Variants in POC1B observed in about 807,000 individuals in gnomAD.
The protein encoded by POC1B is POC1 centriolar protein B.
In POC1B, 44 loss-of-function variants were observed where a neutral mutation model predicts 60.6. The ratio of observed to expected loss-of-function variants is 0.73; its 90% confidence interval spans 0.57 to 0.93. The LOEUF is 0.93. Ranked by LOEUF, POC1B falls within the 40% of genes least tolerant of loss-of-function variation. The pLI is 0.00. For synonymous variants in POC1B, 180 were observed against 198.9 expected (o/e 0.90, Z 0.80); for missense variants, 555 against 572.3 (o/e 0.97, Z 0.31).
intron 2 of POC1B, among the ~76,000 whole-genome samples, chr12:89,516,180 C>T (rs139928742): frequency 2.7e-3 from 404 of 152,270 alleles, no homozygotes; most frequent in African/African-American, 9.2e-3. Context: ...CACTCCTAAC[C>T]CTTGGCTTTC....
chr12:89,501,885 T>C, intron 2 of POC1B: 4 of 1,190,306 alleles, frequency 3.4e-6, no homozygotes, highest in Non-Finnish European at 3.8e-6. Flanking sequence ...TACAGAAGTT[T>C]TTAAATGCTA....
chr12:89,405,574 T>C, the POC1B span, among the ~76,000 whole-genome samples: 1 of 152,122 alleles, frequency 6.6e-6, no homozygotes, highest in Non-Finnish European at 1.5e-5. Flanking sequence ...AAAAAGTAAA[T>C]ATTCTTTTGT....
chr12:89,441,017 C>G (rs1881489319), intron 10 of POC1B, among the ~76,000 whole-genome samples: 1 of 152,230 alleles, frequency 6.6e-6, no homozygotes, highest in African/African-American at 2.4e-5. Flanking sequence ...TTGCTCTCTG[C>G]TAGCACAGCA....
At chr12:89,413,253 T>G in the POC1B span, among the ~76,000 whole-genome samples, 2 of 152,176 alleles carry the variant, frequency 1.3e-5, no homozygotes, top group African/African-American at 4.8e-5. Context: ...TCACCCAGGC[T>G]GGAGTGCACT....
chr12:89,506,526 G>A (rs1346439699), intron 2 of POC1B, among the ~76,000 whole-genome samples: 1 of 152,154 alleles, frequency 6.6e-6, no homozygotes, highest in African/African-American at 2.4e-5. Flanking sequence ...AGCCACAAAC[G>A]AAGTAGGAGA....
chr12:89,495,989 G>C (rs1045056197), intron 3 of POC1B, among the ~76,000 whole-genome samples: 2 of 152,102 alleles, frequency 1.3e-5, no homozygotes, highest in Non-Finnish European at 2.9e-5. Context: ...TCAAATTCCT[G>C]ACCTCAGGTG....
the POC1B span, among the ~76,000 whole-genome samples, chr12:89,410,539 G>A: frequency 6.6e-6 from 1 of 152,094 alleles, no homozygotes; most frequent in Admixed American, 6.5e-5. Flanking sequence ...CATTAGCCGG[G>A]CATGGTGGCG....
At chr12:89,488,884 T>C (rs1868791601) in intron 4 of POC1B, among the ~76,000 whole-genome samples, 1 of 152,192 alleles carries the variant, frequency 6.6e-6, no homozygotes, top group Admixed American at 6.5e-5. Flanking sequence ...CAGCTCCCTG[T>C]GAAGAATATG....
At chr12:89,404,489 T>G in the POC1B span, among the ~76,000 whole-genome samples, 1 of 152,098 alleles carries the variant, frequency 6.6e-6, no homozygotes, top group East Asian at 1.9e-4. Flanking sequence ...AAATGAAAAA[T>G]AGCCAAGTCA....
chr12:89,412,357 CTTTTTTTTT>C, the POC1B span, among the ~76,000 whole-genome samples: 1 of 138,078 alleles, frequency 7.2e-6, no homozygotes, highest in African/African-American at 2.6e-5. Context: ...TTTCTTTTTT[CTTTTTTTTT>C]TTTTTGTAGT....
intron 10 of POC1B, among the ~76,000 whole-genome samples, chr12:89,437,480 C>G (rs530013059): frequency 7.9e-5 from 12 of 152,244 alleles, no homozygotes; most frequent in Admixed American, 7.2e-4. Context: ...GAGCTGTCCT[C>G]GTTCCTCTTA....
chr12:89,452,466 T>C (rs569138124), intron 10 of POC1B, among the ~76,000 whole-genome samples: 6 of 152,258 alleles, frequency 3.9e-5, no homozygotes, highest in Non-Finnish European at 8.8e-5. Flanking sequence ...ATCACGTTTG[T>C]CAATAGGAGT....
intron 10 of POC1B, among the ~76,000 whole-genome samples, chr12:89,444,680 C>G (rs2120739086): frequency 6.6e-6 from 1 of 152,302 alleles, no homozygotes. Context: ...GAAGCATTCC[C>G]TTTGAAAACT....
chr12:89,420,616 T>C lies in POC1B; in HGVS notation c.*537A>G, dbSNP rs1482167365. On this transcript the variant is annotated 3_prime_UTR_variant, in exon 12 of 12. Transcript: ENST00000313546. ...TATTCTTGCTGTGGAAATTCTGTGG[T>C]CTGGGAATTTTTATTTGTTCATTCT... 1 of 152,320 alleles carries C rather than the reference T, an allele frequency of 6.6e-6. No homozygotes were observed. Among genetic ancestry groups the C allele is most frequent in the African/African-American group, 2.4e-5 (1 of 41,464 alleles). The allele number at this position is 152,320 out of a possible 1,614,324, so 9.4% of individuals were successfully genotyped here.
At chr12:89,482,925 CTTTTT>C (rs1206589521) in intron 4 of POC1B, among the ~76,000 whole-genome samples, 1 of 138,592 alleles carries the variant, frequency 7.2e-6, no homozygotes. Flanking sequence ...TAACGCTATT[CTTTTT>C]TTTTTTTTTT....
At chr12:89,432,409 A>G (rs1268459681) in intron 10 of POC1B, among the ~76,000 whole-genome samples, 2 of 150,598 alleles carry the variant, frequency 1.3e-5, no homozygotes, top group East Asian at 3.9e-4. Flanking sequence ...AAAAAAAAAA[A>G]AAAAGCCTTA....
intron 4 of POC1B, among the ~76,000 whole-genome samples, chr12:89,491,480 C>G (rs1341677762): frequency 1.3e-5 from 2 of 151,712 alleles, no homozygotes; most frequent in African/African-American, 4.8e-5. Flanking sequence ...AAAAAATTAT[C>G]CAGGCATGGT....
chr12:89,500,415 A>G, intron 2 of POC1B: 1 of 1,524,382 alleles, frequency 6.6e-7, no homozygotes, highest in Non-Finnish European at 9.1e-7. Context: ...GAAGCCACCA[A>G]CAGATCAGTT....
chr12:89,494,883 C>T (rs1869167090), intron 3 of POC1B, among the ~76,000 whole-genome samples: 1 of 152,172 alleles, frequency 6.6e-6, no homozygotes, highest in Admixed American at 6.5e-5. Flanking sequence ...TCTCAGCCTG[C>T]ACCATATAAG....
Sources: gnomAD v4.1 joint callset for allele counts (sites outside exome capture counted in the v4.1 genomes callset) on GRCh38, gnomAD v4.1.1 for gene constraint, MANE v1.5 for transcripts, NCBI Gene and HGNC (gene_info 2026-07-23, HGNC 2026-07-21) for gene names.